The following QTMAN variants were observed in gnomAD, a reference collection of about 807,000 sequenced individuals.
QTMAN encodes the protein queuosine-tRNA mannosyltransferase.
the QTMAN span, among the ~76,000 whole-genome samples, chr2:143,961,163 G>C: frequency 6.6e-6 from 1 of 152,088 alleles, no homozygotes; most frequent in Non-Finnish European, 1.5e-5. Flanking sequence ...TTTAGCCAAG[G>C]AGAGATATAG....
the QTMAN span, among the ~76,000 whole-genome samples, chr2:144,088,089 T>C: frequency 4.6e-5 from 7 of 151,896 alleles, no homozygotes; most frequent in African/African-American, 1.7e-4. Flanking sequence ...ATTAGATAAA[T>C]GAATTCAGTA....
At chr2:144,075,085 G>A in the QTMAN span, among the ~76,000 whole-genome samples, 15 of 152,172 alleles carry the variant, frequency 9.9e-5, no homozygotes, top group African/African-American at 3.6e-4. Context: ...ATAATTGATA[G>A]TTACAATCTA....
the QTMAN span, among the ~76,000 whole-genome samples, chr2:144,112,876 C>A: frequency 6.6e-6 from 1 of 152,136 alleles, no homozygotes; most frequent in Non-Finnish European, 1.5e-5. Flanking sequence ...AACCCCTTGA[C>A]TCTGGTCAGT....
the QTMAN span, among the ~76,000 whole-genome samples, chr2:144,256,721 GA>G: frequency 6.6e-6 from 1 of 151,976 alleles, no homozygotes; most frequent in Admixed American, 6.6e-5. Flanking sequence ...GAAAGGGGAG[GA>G]AAAGGGAGGG....
the QTMAN span, among the ~76,000 whole-genome samples, chr2:144,307,184 C>CA: frequency 3.1e-5 from 2 of 63,838 alleles, no homozygotes; most frequent in African/African-American, 5.9e-5. Context: ...AAAAAAAAAA[C>CA]AATTAAAAAA....
chr2:144,098,791 G>A, the QTMAN span, among the ~76,000 whole-genome samples: 1 of 151,190 alleles, frequency 6.6e-6, no homozygotes, highest in Admixed American at 6.6e-5. Context: ...TAAGGTAAAC[G>A]GCACTTAACA....
At chr2:144,018,005 T>C in the QTMAN span, among the ~76,000 whole-genome samples, 1 of 152,196 alleles carries the variant, frequency 6.6e-6, no homozygotes, top group Admixed American at 6.5e-5. Context: ...ACATTAACTG[T>C]AAAAAGGTCC....
chr2:144,039,434 T>G, the QTMAN span, among the ~76,000 whole-genome samples: 1 of 152,182 alleles, frequency 6.6e-6, no homozygotes, highest in East Asian at 1.9e-4. Flanking sequence ...GAACCATGTC[T>G]TCTGGTTTCT....
At chr2:144,307,932 A>C in the QTMAN span, among the ~76,000 whole-genome samples, 1 of 152,200 alleles carries the variant, frequency 6.6e-6, no homozygotes, top group Admixed American at 6.5e-5. Context: ...CACACAATGG[A>C]AATTAAAATT....
chr2:144,303,875 C>CATGGTGGGAGGCACTCTCTGCATT, the QTMAN span, among the ~76,000 whole-genome samples: 1 of 152,232 alleles, frequency 6.6e-6, no homozygotes, highest in East Asian at 1.9e-4. Context: ...CTCTCTGCAT[C>CATGGTGGGAGGCACTCTCTGCATT]ATGGTGGGAG....
the QTMAN span, among the ~76,000 whole-genome samples, chr2:144,246,093 T>C: frequency 6.6e-6 from 1 of 152,132 alleles, no homozygotes; most frequent in African/African-American, 2.4e-5. Flanking sequence ...AGATGTAGTC[T>C]AATGGGGGAG....
the QTMAN span, among the ~76,000 whole-genome samples, chr2:144,011,043 G>A: frequency 1.3e-5 from 2 of 152,110 alleles, no homozygotes; most frequent in African/African-American, 2.4e-5. Flanking sequence ...GTACTTGAAA[G>A]AAGGTAGTTA....
At chr2:143,970,828 A>T in the QTMAN span, 1 of 875,180 alleles carries the variant, frequency 1.1e-6, no homozygotes, top group Non-Finnish European at 1.9e-6. Context: ...AAGTGGTTTC[A>T]CTTCCTACAG....
chr2:144,222,904 C>T, the QTMAN span, among the ~76,000 whole-genome samples: 1 of 152,250 alleles, frequency 6.6e-6, no homozygotes, highest in East Asian at 1.9e-4. Flanking sequence ...GGATAGTCAA[C>T]TAAAAGAGAG....
chr2:144,194,401 C>T, the QTMAN span, among the ~76,000 whole-genome samples: 1 of 152,114 alleles, frequency 6.6e-6, no homozygotes, highest in Non-Finnish European at 1.5e-5. Context: ...GCCCTTTCCT[C>T]GTCCCTCTGG....
chr2:144,232,342 C>T, the QTMAN span, among the ~76,000 whole-genome samples: 1 of 152,006 alleles, frequency 6.6e-6, no homozygotes, highest in African/African-American at 2.4e-5. Flanking sequence ...AAAGTGTTTT[C>T]TAAATTAAAA....
chr2:144,168,179 G>A, the QTMAN span, among the ~76,000 whole-genome samples: 3 of 152,138 alleles, frequency 2.0e-5, no homozygotes, highest in Non-Finnish European at 2.9e-5. Flanking sequence ...TGTTTAATGG[G>A]TAGAACTCTG....
At chr2:144,260,809 T>A in the QTMAN span, among the ~76,000 whole-genome samples, 1 of 151,980 alleles carries the variant, frequency 6.6e-6, no homozygotes, top group Admixed American at 6.6e-5. Flanking sequence ...TAAATACAAC[T>A]AACAGAATTT....
chr2:144,290,931 G>A, the QTMAN span, among the ~76,000 whole-genome samples: 12 of 152,156 alleles, frequency 7.9e-5, no homozygotes, highest in Non-Finnish European at 1.6e-4. Flanking sequence ...CAACAGAAAT[G>A]TGTTATCTCA....
Sources: allele counts gnomAD v4.1 joint callset (sites outside exome capture counted in the v4.1 genomes callset), GRCh38; gene constraint gnomAD v4.1.1; transcripts MANE v1.5; gene names NCBI Gene and HGNC (gene_info 2026-07-23, HGNC 2026-07-21).